The following PRTG variants were observed in gnomAD, a reference collection of about 807,000 sequenced individuals.
PRTG encodes immunoglobulin superfamily, DCC subclass, member 5.
In PRTG, 67 loss-of-function variants were observed where a neutral mutation model predicts 122.5. The observed-to-expected ratio is 0.55, with a 90% CI of 0.45 to 0.67. The LOEUF is 0.67. Among genes scored for constraint, PRTG ranks in the 30% least tolerant of loss-of-function variants. The pLI is 0.00. For synonymous variants in PRTG, 554 were observed against 501.1 expected, an observed-to-expected ratio of 1.11 and a Z score of -1.41; for missense variants, 1,435 against 1,415.4, an observed-to-expected ratio of 1.01 and a Z score of -0.22.
At chr15:55,629,066 T>C (rs1028429006) in intron 15 of PRTG, 62 bp from the exon 16 acceptor site, 6 of 1,090,566 alleles carry the variant, frequency 5.5e-6, no homozygotes, top group Non-Finnish European at 7.9e-6. Context: ...ACTCATATTA[T>C]ACAAACACGT....
rs2031570591 is a variant in PRTG at position 55,740,418 on chromosome 15, C to T, written c.361G>A (p.Ala121Thr). 6 of 1,612,696 alleles carry T rather than the reference C, an allele frequency of 3.7e-6. No homozygotes were observed. The highest frequency in any genetic ancestry group is 5.1e-6 in the Non-Finnish European group (6 of 1,179,362). The change falls in exon 2 of 20, where the codon GCC becomes ACC. Residue 121 changes from alanine (A) to threonine (T), a missense_variant. Ala to Thr is a moderately conservative substitution (Grantham distance 58). Coordinates refer to ENST00000389286, the MANE Select transcript of PRTG (RefSeq NM_173814.6). The stretch of plus-strand genomic sequence containing the variant: ...AGATGAGCTTTTTGACTAAGAATGG[C>T]TCCATATTTGTTCATTGCCAAGCAC... ...YQCLAMNKYG[A>T]ILSQKAHLAL...
chr15:55,711,081 A>ATTTTTTT (rs1168529643), intron 2 of PRTG, among the ~76,000 whole-genome samples: 1 of 115,482 alleles, frequency 8.7e-6, no homozygotes. Context: ...TAATTTTTGT[A>ATTTTTTT]TTTTTTTTTT....
At chr15:55,710,003 GC>G (rs1442443419) in intron 2 of PRTG, among the ~76,000 whole-genome samples, 1 of 151,914 alleles carries the variant, frequency 6.6e-6, no homozygotes, top group African/African-American at 2.4e-5. Flanking sequence ...CATCAATTAT[GC>G]CTCAATAACA....
At chr15:55,623,224 T>A (rs543070306) in intron 18 of PRTG, among the ~76,000 whole-genome samples, 80 of 152,300 alleles carry the variant, frequency 5.3e-4, no homozygotes, top group African/African-American at 1.9e-3. Context: ...ACATATGGCC[T>A]GTGTCCTATC....
At chr15:55,642,358 T>C (rs1271938294) in intron 11 of PRTG, among the ~76,000 whole-genome samples, 3 of 152,050 alleles carry the variant, frequency 2.0e-5, no homozygotes, top group Non-Finnish European at 4.4e-5. Flanking sequence ...GGCTCATGCC[T>C]GCAATCCCAG....
At chr15:55,715,144 A>G (rs1229858975) in intron 2 of PRTG, among the ~76,000 whole-genome samples, 4 of 152,254 alleles carry the variant, frequency 2.6e-5, no homozygotes, top group African/African-American at 9.6e-5. Context: ...TTGTTTAATT[A>G]AGGCTACAAT....
At chr15:55,731,706 G>T (rs2031240251) in intron 2 of PRTG, among the ~76,000 whole-genome samples, 2 of 151,978 alleles carry the variant, frequency 1.3e-5, no homozygotes, top group Non-Finnish European at 2.9e-5. Context: ...GTGGGAGTGG[G>T]GAACCAGTAT....
chr15:55,738,493 C>T, intron 2 of PRTG: 1 of 701,394 alleles, frequency 1.4e-6, no homozygotes, highest in Non-Finnish European at 2.6e-6. Context: ...CTATGTACTC[C>T]CTATCCCTGA....
chr15:55,675,701 T>C lies in PRTG; in HGVS notation c.1382-18A>G, dbSNP rs1203459019. The stretch of plus-strand genomic sequence containing the variant: ...ATTTAAACCTAAATTAAAGAATCCA[T>C]GTTTTAAAATGACAGATATTCAAAA... On this transcript the variant is annotated intron_variant, in intron 8 of 19. Transcript: ENST00000389286. The C allele has an allele frequency of 6.8e-7, 1 of 1,465,096 alleles. No homozygotes were observed. The highest frequency in any genetic ancestry group is 9.5e-7 in the Non-Finnish European group (1 of 1,051,706). 90.8% of individuals were successfully genotyped at this position (1,465,096 alleles called of 1,614,324 possible).
At chr15:55,620,307 G>A (rs2059159317) in intron 19 of PRTG, 41 bp from the exon 20 acceptor site, 3 of 1,598,178 alleles carry the variant, frequency 1.9e-6, no homozygotes, top group Admixed American at 1.7e-5. Flanking sequence ...ATACCAGACT[G>A]ATCGAATCCA....
rs189730284 is a variant in PRTG, at chr15:55,616,089, A to C, written c.*3923T>G. On this transcript the variant is annotated 3_prime_UTR_variant, in exon 20 of 20. Coordinates refer to ENST00000389286, the MANE Select transcript of PRTG (RefSeq NM_173814.6). ...GAATCTAATTTCTTTGGTATGGCAA[A>C]ACTGATTTTTAAAAGTCACTTAATG... The C allele has an allele frequency of 6.6e-5, 10 of 152,278 alleles. No individual in the cohort carries two copies. The East Asian group carries it at 1.9e-3, about 29-fold the overall frequency. 9.4% of individuals were successfully genotyped at this position (152,278 alleles called of 1,614,324 possible).
At chr15:55,686,277 G>A (rs548820078) in intron 2 of PRTG, among the ~76,000 whole-genome samples, 67 of 152,182 alleles carry the variant, frequency 4.4e-4, no homozygotes, top group African/African-American at 1.6e-3. Flanking sequence ...CCATGTGTGA[G>A]GGGTGACCAT....
At chr15:55,708,161 A>AAC (rs2030217025) in intron 2 of PRTG, among the ~76,000 whole-genome samples, 1 of 95,772 alleles carries the variant, frequency 1.0e-5, no homozygotes. Context: ...AAAAAAAAAA[A>AAC]AAAAAAAAAA....
chr15:55,627,801 G>T (rs1307821790), intron 16 of PRTG, among the ~76,000 whole-genome samples: 1 of 152,128 alleles, frequency 6.6e-6, no homozygotes, highest in African/African-American at 2.4e-5. Context: ...TTGAAGATTA[G>T]TTTTCCATTT....
At chr15:55,691,065 C>T (rs1347384229) in intron 2 of PRTG, among the ~76,000 whole-genome samples, 1 of 151,868 alleles carries the variant, frequency 6.6e-6, no homozygotes, top group Admixed American at 6.6e-5. Flanking sequence ...CCCTGCACTT[C>T]AGGTGGATCA....
chr15:55,739,889 C>G (rs752258743), intron 2 of PRTG, among the ~76,000 whole-genome samples: 7 of 152,144 alleles, frequency 4.6e-5, no homozygotes, highest in Admixed American at 1.3e-4. Context: ...AGTGACTGAC[C>G]AATGCCCTCT....
At chr15:55,638,336 C>A (rs1332809587) in intron 14 of PRTG, among the ~76,000 whole-genome samples, 2 of 151,880 alleles carry the variant, frequency 1.3e-5, no homozygotes, top group Non-Finnish European at 2.9e-5. Context: ...TTTAAGCCTA[C>A]GTGCTTGCAC....
rs2031501240 is a variant in PRTG at position 55,738,311 on chromosome 15, T to C, written c.397+2071A>G. 3.2e-5 allele frequency: 14 copies of C among 438,666 alleles called. No individual in the cohort carries two copies. In the South Asian group the frequency reaches 1.0e-3, roughly 31 times the overall value. 27.2% of individuals were successfully genotyped at this position (438,666 alleles called of 1,614,324 possible). A position where few individuals can be genotyped will look rare whatever the true frequency, so the allele number is the denominator to read the frequency against. ...AAGCCAGTTCTGACATTTTGTTTGT[T>C]ACACCTATCACACACCATTCACATT... is the stretch of plus-strand genomic sequence containing the variant. On this transcript the variant is annotated intron_variant, in intron 2 of 19. Transcript: ENST00000389286.
intron 2 of PRTG, among the ~76,000 whole-genome samples, chr15:55,711,816 C>G (rs2030400011): frequency 6.6e-6 from 1 of 152,168 alleles, no homozygotes. Flanking sequence ...CAGTTTTAGG[C>G]CACCCTGTTT....
Sources: gnomAD v4.1 joint callset for allele counts (sites outside exome capture counted in the v4.1 genomes callset) on GRCh38, gnomAD v4.1.1 for gene constraint, MANE v1.5 for transcripts, NCBI Gene and HGNC (gene_info 2026-07-23, HGNC 2026-07-21) for gene names.